Variants in RGS17 observed in about 807,000 individuals in gnomAD.
The protein encoded by RGS17 is regulator of G-protein signaling 17.
In RGS17, 12 loss-of-function variants were observed where a neutral mutation model predicts 25.5. The observed-to-expected ratio is 0.47, with a 90% CI of 0.30 to 0.76. The LOEUF is 0.76. Among genes scored for constraint, RGS17 ranks in the 30% least tolerant of loss-of-function variants. The pLI, the probability that RGS17 is intolerant of heterozygous loss-of-function variation, is 0.07. For missense variants in RGS17, 196 were observed against 242.2 expected (o/e 0.81, Z 1.27); for synonymous variants, 71 against 76.9 (o/e 0.92, Z 0.40).
intron 1 of RGS17, among the ~76,000 whole-genome samples, chr6:153,125,709 T>C (rs61016403): frequency 0.021 from 3,161 of 152,132 alleles, 107 homozygotes; most frequent in African/African-American, 0.071. Flanking sequence ...AAAAATTAGC[T>C]GGGCGTCGTG....
chr6:153,011,590 G>A lies in RGS17; in HGVS notation c.617C>T (p.Ser206Phe). The A allele has an allele frequency of 3.7e-6, 6 of 1,605,824 alleles. No individual in the cohort carries two copies. The highest frequency in any genetic ancestry group is 5.1e-6 in the Non-Finnish European group (6 of 1,175,226). ...AAATGAACATTAAGATTCAGAAGAA[G>A]AGCCAGCAGTACTTTCAACAAATGA... ...YKSFVESTAGSSSES is the reference protein window; with the variant it reads ...YKSFVESTAGFSSES Residue 206 changes from serine to phenylalanine, a missense_variant, in exon 5 of 5, where the codon TCT becomes TTT. Physicochemically the swap from Ser to Phe is radical, Grantham distance 155. Coordinates refer to ENST00000206262, the MANE Select transcript of RGS17 (RefSeq NM_012419.5).
chr6:153,011,781 A>G lies in RGS17; in HGVS notation c.445-19T>C. 6.6e-7 allele frequency: 1 copy of G among 1,509,104 alleles called. No individual in the cohort carries two copies. Among genetic ancestry groups the G allele is most frequent in the South Asian group, 1.2e-5 (1 of 81,388 alleles). The allele number at this position is 1,509,104 out of a possible 1,614,324, so 93.5% of individuals were successfully genotyped here. A position where few individuals can be genotyped will look rare whatever the true frequency, so the allele number is the denominator to read the frequency against. ...GACTGACCTAAAAAGAAACAAGAGC[A>G]AATACATTAAATAATATTTTTTTCA... On this transcript the variant is annotated intron_variant, in intron 4 of 4. Coordinates refer to ENST00000206262, the MANE Select transcript of RGS17 (RefSeq NM_012419.5).
At chr6:153,041,169 C>CAAAT (rs1171152484) in intron 2 of RGS17, among the ~76,000 whole-genome samples, 2 of 151,776 alleles carry the variant, frequency 1.3e-5, no homozygotes, top group Non-Finnish European at 1.5e-5. Context: ...GTCTCAAATA[C>CAAAT]AAATAAATAA....
intron 2 of RGS17, among the ~76,000 whole-genome samples, chr6:153,040,135 A>T (rs760266557): frequency 1.3e-4 from 20 of 151,762 alleles, no homozygotes; most frequent in Non-Finnish European, 2.8e-4. Context: ...CTCTTCTTTA[A>T]TTGCAAGGGC....
chr6:153,034,952 C>T (rs1418697677), intron 2 of RGS17, among the ~76,000 whole-genome samples: 1 of 151,920 alleles, frequency 6.6e-6, no homozygotes, highest in Non-Finnish European at 1.5e-5. Flanking sequence ...GAGTTTGAGA[C>T]TAGCCTGGCC....
At position 153,009,987 on chromosome 6, in the gene RGS17, C is replaced by T. The variant is rs1045597004; in HGVS notation, c.*1587G>A. 7 of 151,402 alleles carry T rather than the reference C, an allele frequency of 4.6e-5. No homozygotes were observed. The highest frequency in any genetic ancestry group is 1.0e-4 in the Non-Finnish European group (7 of 67,744). The allele number at this position is 151,402 out of a possible 1,614,324, so 9.4% of individuals were successfully genotyped here. ...CAAGTAAAATAAATTTAAAAAGAAA[C>T]CCCCAAACTTGTTTTTTTAAAAAAT... On this transcript the variant is annotated 3_prime_UTR_variant, in exon 5 of 5. Transcript: ENST00000206262.
At chr6:153,070,986 T>A (rs542640777) in intron 1 of RGS17, among the ~76,000 whole-genome samples, 5 of 150,580 alleles carry the variant, frequency 3.3e-5, no homozygotes, top group Admixed American at 6.6e-5. Context: ...TACACACATG[T>A]GTGTATATAT....
intron 2 of RGS17, among the ~76,000 whole-genome samples, chr6:153,039,398 C>G (rs543766202): frequency 6.6e-6 from 1 of 152,132 alleles, no homozygotes; most frequent in Non-Finnish European, 1.5e-5. Flanking sequence ...AAACTGCAAG[C>G]TGGAGCCAGG....
intron 2 of RGS17, among the ~76,000 whole-genome samples, chr6:153,042,345 C>T (rs949352836): frequency 8.5e-5 from 13 of 152,178 alleles, no homozygotes; most frequent in Non-Finnish European, 1.3e-4. Flanking sequence ...GGGAAGGACG[C>T]GGTGGCAGGT....
chr6:153,055,273 G>GA (rs1776537849), intron 1 of RGS17, among the ~76,000 whole-genome samples: 2 of 152,106 alleles, frequency 1.3e-5, no homozygotes, highest in African/African-American at 4.8e-5. Flanking sequence ...TCTGTCTGCT[G>GA]TTTTTTTTCC....
intron 1 of RGS17, among the ~76,000 whole-genome samples, chr6:153,118,425 T>A (rs1777573440): frequency 6.6e-6 from 1 of 152,234 alleles, no homozygotes; most frequent in East Asian, 1.9e-4. Flanking sequence ...TGGGATATAC[T>A]CCTCATAGAA....
chr6:153,103,716 T>C (rs1417970886), intron 1 of RGS17, among the ~76,000 whole-genome samples: 2 of 152,362 alleles, frequency 1.3e-5, no homozygotes, highest in East Asian at 3.9e-4. Context: ...TCTTATCTTT[T>C]CTTTTCTTTT....
chr6:153,071,072 C>T (rs1046257463), intron 1 of RGS17, among the ~76,000 whole-genome samples: 7 of 148,022 alleles, frequency 4.7e-5, no homozygotes, highest in Admixed American at 6.7e-5. Flanking sequence ...TGTACATATA[C>T]GTATATGTAC....
chr6:153,018,163 A>G (rs1298061671), intron 4 of RGS17, among the ~76,000 whole-genome samples: 1 of 152,106 alleles, frequency 6.6e-6, no homozygotes, highest in African/African-American at 2.4e-5. Flanking sequence ...CTGCTGGTCT[A>G]GGGGAGGGTT....
chr6:153,063,052 A>G (rs941030683), intron 1 of RGS17, among the ~76,000 whole-genome samples: 4 of 152,202 alleles, frequency 2.6e-5, no homozygotes, highest in Admixed American at 2.6e-4. Flanking sequence ...CACAGCTAAC[A>G]TCACAACACC....
chr6:153,094,361 G>A (rs1360256345), intron 1 of RGS17, among the ~76,000 whole-genome samples: 2 of 152,112 alleles, frequency 1.3e-5, no homozygotes, highest in Admixed American at 6.5e-5. Flanking sequence ...TTACAGGCGT[G>A]AGCATTGTGC....
intron 1 of RGS17, among the ~76,000 whole-genome samples, chr6:153,080,064 C>T (rs1027555353): frequency 6.6e-6 from 1 of 152,148 alleles, no homozygotes; most frequent in Admixed American, 6.6e-5. Context: ...TCACTGCAAC[C>T]TCCGCCTTCT....
At position 153,009,158 on chromosome 6, in the gene RGS17, T is replaced by C. The variant is rs561089596; in HGVS notation, c.*2416A>G. The C allele has an allele frequency of 2.0e-5, 3 of 152,260 alleles. No homozygotes were observed. Among genetic ancestry groups the C allele is most frequent in the South Asian group, 2.1e-4 (1 of 4,834 alleles). The allele number at this position is 152,260 out of a possible 1,614,324, so 9.4% of individuals were successfully genotyped here. A position where few individuals can be genotyped will look rare whatever the true frequency, so the allele number is the denominator to read the frequency against. Reference sequence around the variant, plus strand: ...ATTTGGTAAAATATTAAAGATATTGTCAAACAGACAATTCATCTAATAGTC... The same window carrying C: ...ATTTGGTAAAATATTAAAGATATTGCCAAACAGACAATTCATCTAATAGTC... On this transcript the variant is annotated 3_prime_UTR_variant, in exon 5 of 5. Transcript: ENST00000206262.
chr6:153,067,843 A>T (rs1024542961), intron 1 of RGS17, among the ~76,000 whole-genome samples: 5 of 152,204 alleles, frequency 3.3e-5, no homozygotes, highest in African/African-American at 9.6e-5. Context: ...AAAGACCCAG[A>T]ATTGCCACAG....
Sources: gnomAD v4.1 joint callset for allele counts (sites outside exome capture counted in the v4.1 genomes callset) on GRCh38, gnomAD v4.1.1 for gene constraint, MANE v1.5 for transcripts, NCBI Gene and HGNC (gene_info 2026-07-23, HGNC 2026-07-21) for gene names.